SH3YL1: variants seen among roughly 807,000 people sequenced by gnomAD.
The protein encoded by SH3YL1 is SH3 and SYLF domain containing 1.
A neutral mutation model predicts 45.8 loss-of-function variants in SH3YL1; 41 were observed. The observed-to-expected ratio is 0.89, with a 90% CI of 0.70 to 1.16. The LOEUF (loss-of-function observed/expected upper bound fraction) is 1.16, where lower values mean the gene tolerates loss of function less well. Among genes scored for constraint, SH3YL1 ranks in the 50% most tolerant of loss-of-function variants. The pLI, the probability that SH3YL1 is intolerant of heterozygous loss-of-function variation, is 0.00. For synonymous variants in SH3YL1, 152 were observed against 151.4 expected, an observed-to-expected ratio of 1.00 and a Z score of -0.03; for missense variants, 389 against 409.6, an observed-to-expected ratio of 0.95 and a Z score of 0.43.
rs1307037437 is a variant in SH3YL1, at chr2:228,514, A to G, written c.781+1452T>C. ...ATAAATGAGAGGATTTCATACATGC[A>G]TATGCAGGTATCCATTCTCAGTGAG... On this transcript the variant is annotated intron_variant, in intron 8 of 9. Coordinates refer to ENST00000356150, the MANE Select transcript of SH3YL1 (RefSeq NM_015677.4). Among the ~76,000 whole-genome samples, 8 of 152,232 alleles carry G rather than the reference A, an allele frequency of 5.3e-5. No individual in the cohort carries two copies. The East Asian group carries it at 1.5e-3, about 29-fold the overall frequency.
intron 4 of SH3YL1, among the ~76,000 whole-genome samples, chr2:239,407 G>A (rs1188579219): frequency 1.3e-5 from 2 of 152,136 alleles, no homozygotes; most frequent in Non-Finnish European, 2.9e-5. Context: ...TGCAGCACTG[G>A]ATACACCACG....
At chr2:240,984 T>A (rs1015713197) in intron 4 of SH3YL1, 1 of 151,834 alleles carries the variant, frequency 6.6e-6, no homozygotes, top group Non-Finnish European at 1.5e-5. Flanking sequence ...CAACCAAAAA[T>A]AATAAGACAA....
At chr2:263,792 T>G (rs574463522) in intron 1 of SH3YL1, 192 bp downstream of exon 1, 2 of 488,808 alleles carry the variant, frequency 4.1e-6, no homozygotes, top group Admixed American at 8.2e-5. Context: ...TGGCTAAACT[T>G]CAATCAAAAT....
At chr2:238,114 C>T (rs1668385348) in intron 4 of SH3YL1, among the ~76,000 whole-genome samples, 1 of 152,188 alleles carries the variant, frequency 6.6e-6, no homozygotes, top group South Asian at 2.1e-4. Flanking sequence ...AGCCTTCAAG[C>T]CCCACATCTG....
At chr2:231,424 T>C (rs1422457026) in intron 6 of SH3YL1, among the ~76,000 whole-genome samples, 2 of 152,226 alleles carry the variant, frequency 1.3e-5, no homozygotes, top group African/African-American at 4.8e-5. Context: ...GTATCCTTTC[T>C]TTATTAATAT....
intron 4 of SH3YL1, among the ~76,000 whole-genome samples, chr2:246,185 A>G (rs1231635854): frequency 1.3e-5 from 2 of 151,778 alleles, no homozygotes; most frequent in East Asian, 1.9e-4. Context: ...ACAAGAGTGA[A>G]ACTCCATCTC....
intron 9 of SH3YL1, among the ~76,000 whole-genome samples, 165 bp from the exon 10 acceptor site, chr2:219,166 T>C (rs1469220928): frequency 6.6e-6 from 1 of 152,222 alleles, no homozygotes; most frequent in Non-Finnish European, 1.5e-5. Flanking sequence ...ATTAAACTTA[T>C]TTTTCTCTGC....
intron 2 of SH3YL1, among the ~76,000 whole-genome samples, 153 bp from the exon 3 acceptor site, chr2:249,997 T>A (rs1669010554): frequency 6.6e-6 from 1 of 152,240 alleles, no homozygotes; most frequent in African/African-American, 2.4e-5. Flanking sequence ...ACTCAACAGA[T>A]GGGCACGAGG....
At chr2:251,973 C>T (rs1156827181) in intron 2 of SH3YL1, among the ~76,000 whole-genome samples, 3 of 152,166 alleles carry the variant, frequency 2.0e-5, no homozygotes, top group African/African-American at 7.2e-5. Context: ...GTAACACTGT[C>T]CAGGCTAACT....
intron 1 of SH3YL1, chr2:261,439 T>C (rs1669587518): frequency 1.3e-5 from 2 of 152,138 alleles, no homozygotes; most frequent in South Asian, 4.1e-4. Flanking sequence ...CTGCCAAACC[T>C]CAAGCTAAGA....
At chr2:249,631 T>C (rs943181366) in intron 3 of SH3YL1, 100 bp downstream of exon 3, 9 of 844,560 alleles carry the variant, frequency 1.1e-5, no homozygotes, top group Non-Finnish European at 1.7e-5. Flanking sequence ...TTAGTTGATA[T>C]GCAGGAAACC....
intron 3 of SH3YL1, among the ~76,000 whole-genome samples, 189 bp downstream of exon 3, chr2:249,542 G>A (rs1294622096): frequency 6.6e-6 from 1 of 152,232 alleles, no homozygotes; most frequent in Non-Finnish European, 1.5e-5. Context: ...GACAGAGAGA[G>A]ACGGAAAGGC....
chr2:241,860 G>C (rs1572162810), intron 4 of SH3YL1: 1 of 152,086 alleles, frequency 6.6e-6, no homozygotes, highest in East Asian at 1.9e-4. Flanking sequence ...TAAGTTGAGA[G>C]AATTTGTTGC....
intron 3 of SH3YL1, 74 bp from the exon 4 acceptor site, chr2:247,676 C>G: frequency 2.6e-6 from 3 of 1,146,342 alleles, no homozygotes; most frequent in Non-Finnish European, 3.7e-6. Context: ...AGGAAAAATG[C>G]TAAAATCTAA....
intron 9 of SH3YL1, 39 bp downstream of exon 9, chr2:224,825 A>C: frequency 6.9e-7 from 1 of 1,442,862 alleles, no homozygotes; most frequent in Non-Finnish European, 9.7e-7. Flanking sequence ...TCACAAAATG[A>C]ATATGAATCA....
intron 9 of SH3YL1, among the ~76,000 whole-genome samples, chr2:221,188 C>A (rs886263939): frequency 4.6e-5 from 7 of 152,196 alleles, no homozygotes; most frequent in Admixed American, 2.6e-4. Context: ...AGACCCTCAA[C>A]AACCTCATAA....
At chr2:249,538 G>A (rs1668981507) in intron 3 of SH3YL1, among the ~76,000 whole-genome samples, 193 bp downstream of exon 3, 1 of 152,214 alleles carries the variant, frequency 6.6e-6, no homozygotes, top group Non-Finnish European at 1.5e-5. Context: ...TGAGGACAGA[G>A]AGAGACGGAA....
intron 3 of SH3YL1, among the ~76,000 whole-genome samples, chr2:248,354 G>A (rs1572171200): frequency 1.3e-5 from 2 of 152,054 alleles, no homozygotes; most frequent in South Asian, 2.1e-4. Context: ...GAATATTGCT[G>A]AAATATATCC....
At chr2:221,452 G>A (rs1185535554) in intron 9 of SH3YL1, among the ~76,000 whole-genome samples, 5 of 152,048 alleles carry the variant, frequency 3.3e-5, no homozygotes, top group African/African-American at 7.2e-5. Flanking sequence ...GAAAGAAGGC[G>A]AGATCACACA....
Sources: allele counts gnomAD v4.1 joint callset (sites outside exome capture counted in the v4.1 genomes callset), GRCh38; gene constraint gnomAD v4.1.1; transcripts MANE v1.5; gene names NCBI Gene and HGNC (gene_info 2026-07-23, HGNC 2026-07-21).